The following BEND4 variants were observed in gnomAD, a reference collection of about 807,000 sequenced individuals.
BEND4 encodes the protein BEN domain-containing protein 4.
A neutral mutation model predicts 54.7 loss-of-function variants in BEND4; 27 were observed. The ratio of observed to expected loss-of-function variants is 0.49; its 90% CI spans 0.36 to 0.68. The LOEUF is 0.68. Ranked by LOEUF, BEND4 falls within the 30% of genes least tolerant of loss-of-function variation. The probability of loss-of-function intolerance (pLI) is 0.00; values close to 1 mark genes in which losing one functional copy is unlikely to be tolerated. For missense variants in BEND4, 702 were observed against 697.2 expected (o/e 1.01, Z -0.08); for synonymous variants, 327 against 299.5 (o/e 1.09, Z -0.95).
At chr4:42,138,502 C>G (rs1260443336) in intron 3 of BEND4, among the ~76,000 whole-genome samples, 1 of 152,030 alleles carries the variant, frequency 6.6e-6, no homozygotes, top group Non-Finnish European at 1.5e-5. Flanking sequence ...TCTAGAGATT[C>G]AACACAACAT....
At chr4:42,138,764 T>G (rs542717886) in intron 3 of BEND4, among the ~76,000 whole-genome samples, 23 of 152,318 alleles carry the variant, frequency 1.5e-4, no homozygotes, top group African/African-American at 4.8e-4. Flanking sequence ...TTAGAAAATT[T>G]CAAGGTATTT....
intron 3 of BEND4, among the ~76,000 whole-genome samples, chr4:42,128,254 A>G (rs1432685200): frequency 6.6e-6 from 1 of 152,250 alleles, no homozygotes; most frequent in Non-Finnish European, 1.5e-5. Context: ...TGAATGTGCA[A>G]AAGCTGGAAG....
At chr4:42,140,832 C>A (rs1245372176) in intron 3 of BEND4, among the ~76,000 whole-genome samples, 1 of 152,220 alleles carries the variant, frequency 6.6e-6, no homozygotes, top group Non-Finnish European at 1.5e-5. Flanking sequence ...TGCCACTAAG[C>A]ACTTCAGAAG....
chr4:42,136,795 G>C (rs1469330064), intron 3 of BEND4, among the ~76,000 whole-genome samples: 1 of 152,204 alleles, frequency 6.6e-6, no homozygotes, highest in Non-Finnish European at 1.5e-5. Context: ...GAGAAAACAA[G>C]CATGTTAGAT....
At chr4:42,151,261 G>A (rs1168741848) in intron 2 of BEND4, 2 of 168,514 alleles carry the variant, frequency 1.2e-5, no homozygotes, top group Admixed American at 1.3e-4. Context: ...AAAGCAGACG[G>A]AAAAAGTGAA....
intron 2 of BEND4, among the ~76,000 whole-genome samples, chr4:42,147,794 A>C (rs970090055): frequency 6.6e-6 from 1 of 152,174 alleles, no homozygotes. Context: ...GTCTGAATTT[A>C]AGAGGTTTAA....
intron 3 of BEND4, among the ~76,000 whole-genome samples, chr4:42,140,453 G>A (rs1168682951): frequency 7.2e-5 from 11 of 152,062 alleles, no homozygotes; most frequent in Admixed American, 7.2e-4. Flanking sequence ...TCAAGTTCGG[G>A]GACGGGATTG....
intron 3 of BEND4, among the ~76,000 whole-genome samples, chr4:42,133,200 T>C (rs1461887957): frequency 1.3e-5 from 2 of 152,228 alleles, no homozygotes; most frequent in Non-Finnish European, 2.9e-5. Flanking sequence ...CTGTTGACTG[T>C]GCCACCTTGG....
chr4:42,120,147 A>T lies in BEND4; in HGVS notation c.1294T>A (p.Cys432Ser). The T allele has an allele frequency of 3.1e-6, 5 of 1,613,992 alleles. No homozygotes were observed. The highest frequency in any genetic ancestry group is 4.2e-6 in the Non-Finnish European group (5 of 1,179,880). ...GACCTTTTCCTTTTCCCAAGGCCGC[A>T]TGAGTACTTAAGCTCATCGGTTGTG... is the stretch of plus-strand genomic sequence containing the variant. ...VFTTDELKYS[C>S]GLGKRKRSVQ... The change falls in exon 5 of 6, where the codon TGC (cysteine) becomes AGC (serine). Residue 432 changes from cysteine to serine, a missense_variant. By Grantham distance (112) the Cys-to-Ser change is moderately radical (BLOSUM62 -1). Transcript: ENST00000502486.
chr4:42,134,685 A>T (rs1720633922), intron 3 of BEND4, among the ~76,000 whole-genome samples: 1 of 152,232 alleles, frequency 6.6e-6, no homozygotes, highest in Non-Finnish European at 1.5e-5. Context: ...AATCTGCATG[A>T]CGTGCTATGA....
rs71664396 is a variant in BEND4, at chr4:42,123,694, G to GAAAAAAAAAA, written c.1146+1879_1146+1888dup. On this transcript the variant is annotated intron_variant, in intron 4 of 5. Coordinates refer to ENST00000502486, the MANE Select transcript of BEND4 (RefSeq NM_207406.4). ...ATATTTACTTTGGATCTGTAATTCA[G>GAAAAAAAAAA]AAAAAAAAAAAAAAAAAAAAAAACA... 1.1e-3 allele frequency among the ~76,000 whole-genome samples: 55 copies of GAAAAAAAAAA among 50,770 alleles called. 2 individuals carry two copies. Among genetic ancestry groups the GAAAAAAAAAA allele is most frequent in the African/African-American group, 3.8e-3 (51 of 13,290 alleles). 33.3% of individuals were successfully genotyped at this position (50,770 alleles called of 152,430 possible).
intron 3 of BEND4, among the ~76,000 whole-genome samples, chr4:42,126,533 T>G (rs1437065309): frequency 2.6e-5 from 4 of 152,228 alleles, no homozygotes; most frequent in Non-Finnish European, 5.9e-5. Context: ...GGTTATACAT[T>G]TTACTATTAA....
chr4:42,121,639 C>T (rs536325889), intron 4 of BEND4, among the ~76,000 whole-genome samples: 2 of 152,158 alleles, frequency 1.3e-5, no homozygotes, highest in South Asian at 2.1e-4. Context: ...AGTGGTGGAC[C>T]CTGTGTATAA....
chr4:42,114,298 C>G lies in BEND4; in HGVS notation c.*3220G>C, dbSNP rs751695066. 5 of 152,252 alleles carry G rather than the reference C, an allele frequency of 3.3e-5. No homozygotes were observed. Among genetic ancestry groups the G allele is most frequent in the African/African-American group, 1.2e-4 (5 of 41,458 alleles). The allele number at this position is 152,252 out of a possible 1,614,324, so 9.4% of individuals were successfully genotyped here. On this transcript the variant is annotated 3_prime_UTR_variant, in exon 6 of 6. Transcript: ENST00000502486. ...ACTCACTGCGAAAAGCCGGCATGAT[C>G]TTTGTAACAAGATTTTAATTTGGAA... is the stretch of plus-strand genomic sequence containing the variant.
At position 42,111,568 on chromosome 4, in the gene BEND4, T is replaced by G. The variant is rs1463774809; in HGVS notation, c.*5950A>C. 1 of 152,152 alleles carries G rather than the reference T, an allele frequency of 6.6e-6. No individual in the cohort carries two copies. Among genetic ancestry groups the G allele is most frequent in the Non-Finnish European group, 1.5e-5 (1 of 68,020 alleles). 9.4% of individuals were successfully genotyped at this position (152,152 alleles called of 1,614,324 possible). A position where few individuals can be genotyped will look rare whatever the true frequency, so the allele number is the denominator to read the frequency against. ...CATGGCCTTGGCATGCTCTTGAACT[T>G]AAACACAGCCAAAGGGATGTGAAAG... On this transcript the variant is annotated 3_prime_UTR_variant, in exon 6 of 6. Coordinates refer to ENST00000502486, the MANE Select transcript of BEND4 (RefSeq NM_207406.4).
intron 4 of BEND4, among the ~76,000 whole-genome samples, chr4:42,120,856 T>G (rs956518325): frequency 6.6e-6 from 1 of 152,182 alleles, no homozygotes; most frequent in Non-Finnish European, 1.5e-5. Flanking sequence ...CTAATAATCA[T>G]GCAAAACAGG....
At chr4:42,132,290 A>G (rs924507073) in intron 3 of BEND4, among the ~76,000 whole-genome samples, 1 of 152,114 alleles carries the variant, frequency 6.6e-6, no homozygotes, top group Non-Finnish European at 1.5e-5. Context: ...AGTCCAGGCC[A>G]CCACACCACT....
At chr4:42,127,320 T>C (rs562409313) in intron 3 of BEND4, among the ~76,000 whole-genome samples, 1 of 152,354 alleles carries the variant, frequency 6.6e-6, no homozygotes, top group Non-Finnish European at 1.5e-5. Context: ...AACAGTTATA[T>C]GGATATATTC....
At chr4:42,142,885 C>T (rs530532601) in intron 3 of BEND4, among the ~76,000 whole-genome samples, 1 of 152,176 alleles carries the variant, frequency 6.6e-6, no homozygotes, top group Non-Finnish European at 1.5e-5. Context: ...GTTGAAACTT[C>T]AAAGGAAAGG....
Sources: allele counts gnomAD v4.1 joint callset (sites outside exome capture counted in the v4.1 genomes callset), GRCh38; gene constraint gnomAD v4.1.1; transcripts MANE v1.5; gene names NCBI Gene and HGNC (gene_info 2026-07-23, HGNC 2026-07-21).